TCF4: variants seen among roughly 807,000 people sequenced by gnomAD.
The protein encoded by TCF4 is transcription factor 4.
In TCF4, 3 loss-of-function variants were observed where a neutral mutation model predicts 82.1. The observed-to-expected ratio is 0.04, with a 90% CI of 0.02 to 0.09. The LOEUF (loss-of-function observed/expected upper bound fraction) is 0.09. Ranked by LOEUF, TCF4 falls within the 10% of genes least tolerant of loss-of-function variation. The pLI is 1.00. For missense variants in TCF4, 518 were observed against 852.7 expected (o/e 0.61, Z 4.89); for synonymous variants, 276 against 309.6 (o/e 0.89, Z 1.14).
chr18:55,456,784 T>C (rs1286820185), intron 5 of TCF4, among the ~76,000 whole-genome samples: 1 of 152,024 alleles, frequency 6.6e-6, no homozygotes, highest in Non-Finnish European at 1.5e-5. Context: ...ATAACCCTCT[T>C]AAAAAAACAG....
At chr18:55,498,757 C>G (rs185424335) in intron 3 of TCF4, among the ~76,000 whole-genome samples, 63 of 152,232 alleles carry the variant, frequency 4.1e-4, no homozygotes, top group African/African-American at 1.5e-3. Flanking sequence ...TGTCTTTGCT[C>G]AGTAACTTCA....
At chr18:55,317,672 T>A (rs542230336) in intron 8 of TCF4, among the ~76,000 whole-genome samples, 148 of 152,202 alleles carry the variant, frequency 9.7e-4, no homozygotes, top group African/African-American at 3.5e-3. Flanking sequence ...TTTTCAGCTT[T>A]AAAAAATTTA....
intron 2 of TCF4, chr18:55,585,943 T>A: frequency 7.9e-7 from 1 of 1,270,102 alleles, no homozygotes. Context: ...GTTTCCCTCT[T>A]CTTCGACGTA....
intron 6 of TCF4, among the ~76,000 whole-genome samples, chr18:55,365,922 CA>C (rs1052243307): frequency 6.6e-6 from 1 of 151,322 alleles, no homozygotes; most frequent in African/African-American, 2.4e-5. Context: ...ACAACAACAA[CA>C]AAAAAACTAT....
intron 6 of TCF4, among the ~76,000 whole-genome samples, chr18:55,387,010 G>C (rs1034496582): frequency 6.6e-6 from 1 of 152,242 alleles, no homozygotes; most frequent in African/African-American, 2.4e-5. Flanking sequence ...AAAAGAGGGA[G>C]AGAATCATTT....
At chr18:55,273,297 A>G (rs1261115) in intron 10 of TCF4, among the ~76,000 whole-genome samples, 15,833 of 152,178 alleles carry the variant, frequency 0.1, 1,447 homozygotes, top group African/African-American at 0.24. Flanking sequence ...TTTTTAAAAT[A>G]TTTTATCTTT....
chr18:55,250,813 G>A (rs2145346549), intron 15 of TCF4, among the ~76,000 whole-genome samples: 1 of 152,276 alleles, frequency 6.6e-6, no homozygotes, highest in East Asian at 1.9e-4. Context: ...CAGTTGGTAA[G>A]GCAGAGTCAT....
chr18:55,342,478 T>C (rs546604417), intron 8 of TCF4, among the ~76,000 whole-genome samples: 5 of 152,234 alleles, frequency 3.3e-5, no homozygotes, highest in Non-Finnish European at 7.4e-5. Flanking sequence ...AACAATACTT[T>C]CAAATAGTAC....
At chr18:55,494,564 G>C (rs1355421473) in intron 3 of TCF4, among the ~76,000 whole-genome samples, 3 of 151,918 alleles carry the variant, frequency 2.0e-5, no homozygotes, top group African/African-American at 7.3e-5. Flanking sequence ...ATAGTATTAG[G>C]GCACTACAAT....
chr18:55,429,435 A>G (rs1224337560), intron 5 of TCF4, among the ~76,000 whole-genome samples: 2 of 152,222 alleles, frequency 1.3e-5, no homozygotes, highest in African/African-American at 4.8e-5. Context: ...TCACTCAAGA[A>G]GAAACTTCCA....
intron 8 of TCF4, among the ~76,000 whole-genome samples, chr18:55,346,533 A>C (rs996798871): frequency 2.0e-5 from 3 of 152,166 alleles, no homozygotes; most frequent in African/African-American, 7.2e-5. Context: ...ACTGGAGATG[A>C]GAGGTCATAA....
intron 8 of TCF4, among the ~76,000 whole-genome samples, chr18:55,326,401 CAAAAAAAAA>C (rs59228811): frequency 1.1e-4 from 3 of 26,376 alleles, no homozygotes; most frequent in African/African-American, 2.6e-4. Flanking sequence ...AGAGCAGCAG[CAAAAAAAAA>C]AAAAAAAAAA....
intron 5 of TCF4, among the ~76,000 whole-genome samples, chr18:55,431,862 C>G (rs12963463): frequency 2.2e-4 from 34 of 151,968 alleles, no homozygotes; most frequent in African/African-American, 5.1e-4. Context: ...TAACTAATGT[C>G]GGGGGGGTCT....
intron 5 of TCF4, among the ~76,000 whole-genome samples, chr18:55,405,724 A>C (rs1316652678): frequency 6.6e-6 from 1 of 152,146 alleles, no homozygotes; most frequent in African/African-American, 2.4e-5. Context: ...CAAAGAGAGG[A>C]AGAGTGGAAT....
intron 5 of TCF4, among the ~76,000 whole-genome samples, chr18:55,431,960 AAAGT>A (rs1343149577): frequency 7.2e-5 from 11 of 152,294 alleles, no homozygotes; most frequent in African/African-American, 2.6e-4. Context: ...CAACACTGTG[AAAGT>A]AATAGCACAG....
intron 3 of TCF4, among the ~76,000 whole-genome samples, chr18:55,555,780 G>A (rs1197403138): frequency 6.6e-6 from 1 of 152,130 alleles, no homozygotes; most frequent in African/African-American, 2.4e-5. Flanking sequence ...AGCAATTACA[G>A]CTTAATAGCT....
chr18:55,572,648 T>G (rs2097484580), intron 3 of TCF4, among the ~76,000 whole-genome samples: 1 of 152,192 alleles, frequency 6.6e-6, no homozygotes, highest in Admixed American at 6.5e-5. Context: ...TTCAGTAACT[T>G]CTGTGGCTGT....
intron 3 of TCF4, among the ~76,000 whole-genome samples, chr18:55,535,135 A>G (rs17597863): frequency 0.031 from 4,689 of 152,354 alleles, 93 homozygotes; most frequent in Non-Finnish European, 0.046. Flanking sequence ...AAGGTTACCA[A>G]TAACACCACG....
At chr18:55,533,103 C>G (rs1238678734) in intron 3 of TCF4, among the ~76,000 whole-genome samples, 2 of 152,154 alleles carry the variant, frequency 1.3e-5, no homozygotes, top group Non-Finnish European at 2.9e-5. Context: ...AAACAAAACA[C>G]CAGCAGGACT....
Sources: gnomAD v4.1 joint callset for allele counts (sites outside exome capture counted in the v4.1 genomes callset) on GRCh38, gnomAD v4.1.1 for gene constraint, MANE v1.5 for transcripts, NCBI Gene and HGNC (gene_info 2026-07-23, HGNC 2026-07-21) for gene names.